CHL1: variants seen among roughly 807,000 people sequenced by gnomAD.
CHL1 encodes the protein neural cell adhesion molecule L1-like protein.
In CHL1, 96 loss-of-function variants were observed where a neutral mutation model predicts 141.9. The ratio of observed to expected loss-of-function variants is 0.68; its 90% CI spans 0.57 to 0.80. The LOEUF (loss-of-function observed/expected upper bound fraction) is 0.80. Ranked by LOEUF, CHL1 falls within the 30% of genes least tolerant of loss-of-function variation. CHL1 has a pLI of 0.00. For synonymous variants in CHL1, 613 were observed against 502.2 expected (o/e 1.22, Z -2.95); for missense variants, 1,820 against 1,457.2 (o/e 1.25, Z -4.05).
At chr3:201,257 G>A (rs59918618) in intron 1 of CHL1, among the ~76,000 whole-genome samples, 8,348 of 152,214 alleles carry the variant, frequency 0.055, 264 homozygotes, top group Middle Eastern at 0.11. Flanking sequence ...TTTCGTTAAC[G>A]AATGTTTTAA....
intron 2 of CHL1, among the ~76,000 whole-genome samples, chr3:283,115 T>A (rs1419692243): frequency 6.6e-6 from 1 of 152,184 alleles, no homozygotes; most frequent in East Asian, 1.9e-4. Flanking sequence ...GGATCCTCAT[T>A]TATGGGAAAG....
intron 2 of CHL1, among the ~76,000 whole-genome samples, chr3:274,617 C>G (rs1695928140): frequency 6.6e-6 from 1 of 152,192 alleles, no homozygotes. Flanking sequence ...TGTAGGCTGA[C>G]ACGTTACCAA....
chr3:326,565 C>T (rs765251934), intron 4 of CHL1, among the ~76,000 whole-genome samples: 1 of 151,450 alleles, frequency 6.6e-6, no homozygotes, highest in African/African-American at 2.4e-5. Flanking sequence ...GCATGATATA[C>T]TACTATCTAG....
intron 12 of CHL1, 74 bp downstream of exon 12, chr3:360,498 AT>A (rs1704130053): frequency 2.1e-6 from 3 of 1,461,022 alleles, no homozygotes; most frequent in African/African-American, 2.8e-5. Flanking sequence ...TCAGAAGTGT[AT>A]TAACTCTTGA....
intron 14 of CHL1, among the ~76,000 whole-genome samples, chr3:364,422 G>T (rs1035753857): frequency 6.6e-6 from 1 of 152,140 alleles, no homozygotes; most frequent in African/African-American, 2.4e-5. Context: ...CCTATATCAA[G>T]GTTAAGCAAC....
chr3:210,106 C>G (rs1699779003), intron 1 of CHL1, among the ~76,000 whole-genome samples: 1 of 152,174 alleles, frequency 6.6e-6, no homozygotes, highest in Admixed American at 6.5e-5. Context: ...GGGATATACA[C>G]AAGCTGTTTG....
intron 1 of CHL1, among the ~76,000 whole-genome samples, chr3:201,247 T>C (rs1698906035): frequency 6.6e-6 from 1 of 152,234 alleles, no homozygotes; most frequent in Non-Finnish European, 1.5e-5. Context: ...GAAAATTCTG[T>C]TTCGTTAACG....
chr3:282,272 CT>C (rs1696732330), intron 2 of CHL1, among the ~76,000 whole-genome samples: 2 of 152,202 alleles, frequency 1.3e-5, no homozygotes, highest in African/African-American at 4.8e-5. Context: ...CCTGTTACTT[CT>C]TTCCTCCTTG....
chr3:293,365 T>C (rs373684215), intron 2 of CHL1, among the ~76,000 whole-genome samples: 75 of 152,206 alleles, frequency 4.9e-4, no homozygotes, highest in African/African-American at 1.7e-3. Context: ...TAGCCGGGCA[T>C]GATGGCAGGT....
intron 4 of CHL1, 82 bp from the exon 5 acceptor site, chr3:328,085 T>C (rs1701146580): frequency 9.3e-7 from 1 of 1,076,726 alleles, no homozygotes; most frequent in Non-Finnish European, 1.3e-6. Flanking sequence ...CTTGGTTTTG[T>C]CAATTTTATG....
rs765020460 is a variant in CHL1, at chr3:354,664, C to G, written c.1058C>G (p.Pro353Arg). ...GAGCCTCCTCGCTGGACAAAGAAGC[C>G]TCAGAGTGCTGTGTATAGCACCGGA... ...VEEPPRWTKK[P>R]QSAVYSTGSN... The change falls in exon 11 of 28, where the codon CCT becomes CGT. Residue 353 changes from proline to arginine, a missense_variant. By Grantham distance (103) the Pro-to-Arg change is moderately radical. Coordinates refer to ENST00000256509, the MANE Select transcript of CHL1 (RefSeq NM_006614.4). The G allele has an allele frequency of 6.2e-7, 1 of 1,613,518 alleles. No individual in the cohort carries two copies. Among genetic ancestry groups the G allele is most frequent in the East Asian group, 2.2e-5 (1 of 44,876 alleles).
intron 2 of CHL1, among the ~76,000 whole-genome samples, chr3:251,753 G>T (rs748939325): frequency 6.6e-6 from 1 of 152,012 alleles, no homozygotes; most frequent in Non-Finnish European, 1.5e-5. Flanking sequence ...CCACCCGTTA[G>T]CGATTTTACT....
intron 2 of CHL1, among the ~76,000 whole-genome samples, chr3:276,550 T>C (rs934851919): frequency 2.6e-5 from 4 of 152,118 alleles, no homozygotes; most frequent in Non-Finnish European, 4.4e-5. Flanking sequence ...AGTCGTACAC[T>C]GATCTCAAAA....
intron 1 of CHL1, among the ~76,000 whole-genome samples, chr3:211,651 T>C (rs1490318981): frequency 1.3e-5 from 2 of 152,098 alleles, no homozygotes; most frequent in African/African-American, 4.8e-5. Flanking sequence ...CAAACATGAG[T>C]AGATGTTTTC....
chr3:210,894 C>T (rs758051738), intron 1 of CHL1, among the ~76,000 whole-genome samples: 2 of 152,172 alleles, frequency 1.3e-5, no homozygotes, highest in Non-Finnish European at 2.9e-5. Flanking sequence ...CTGAAGTGCC[C>T]TGGTTTTGTC....
chr3:211,324 C>T (rs562407136), intron 1 of CHL1, among the ~76,000 whole-genome samples: 3 of 152,302 alleles, frequency 2.0e-5, no homozygotes, highest in South Asian at 4.1e-4. Context: ...AGGAGACTAG[C>T]GTGTGGCTAG....
intron 2 of CHL1, chr3:246,974 T>C (rs878939617): frequency 1.3e-5 from 2 of 152,004 alleles, no homozygotes; most frequent in Admixed American, 1.3e-4. Context: ...GACTGCTTGA[T>C]GGTACTTATC....
chr3:325,898 A>C, intron 3 of CHL1, 61 bp from the exon 4 acceptor site: 3 of 1,128,878 alleles, frequency 2.7e-6, no homozygotes, highest in Non-Finnish European at 4.0e-6. Flanking sequence ...TGTTTTCGCT[A>C]TAGATTAACC....
At chr3:234,868 G>T (rs1176231499) in intron 1 of CHL1, among the ~76,000 whole-genome samples, 1 of 152,058 alleles carries the variant, frequency 6.6e-6, no homozygotes, top group African/African-American at 2.4e-5. Flanking sequence ...CAATGCTCTG[G>T]GACAGAAATG....
Sources: allele counts gnomAD v4.1 joint callset (sites outside exome capture counted in the v4.1 genomes callset), GRCh38; gene constraint gnomAD v4.1.1; transcripts MANE v1.5; gene names NCBI Gene and HGNC (gene_info 2026-07-23, HGNC 2026-07-21).